Variants in ANXA4 observed in about 807,000 individuals in gnomAD.
ANXA4 encodes annexin A4.
In ANXA4, 39 loss-of-function variants were observed where a neutral mutation model predicts 49.8. That is an observed-to-expected ratio of 0.78 (90% confidence interval 0.61 to 1.02). ANXA4 has a LOEUF of 1.02. Among genes scored for constraint, ANXA4 ranks in the 50% least tolerant of loss-of-function variants. The pLI, the probability that ANXA4 is intolerant of heterozygous loss-of-function variation, is 0.00. For synonymous variants in ANXA4, 134 were observed against 152.5 expected (o/e 0.88, Z 0.89); for missense variants, 360 against 410.1 (o/e 0.88, Z 1.05).
chr2:69,821,643 C>T (rs1674249834), intron 12 of ANXA4, among the ~76,000 whole-genome samples: 1 of 151,856 alleles, frequency 6.6e-6, no homozygotes, highest in Non-Finnish European at 1.5e-5. Flanking sequence ...GTAGAAATGG[C>T]GTTTCACCAT....
intron 2 of ANXA4, among the ~76,000 whole-genome samples, chr2:69,656,483 G>A (rs1349206382): frequency 6.8e-6 from 1 of 146,196 alleles, no homozygotes; most frequent in African/African-American, 2.5e-5. Context: ...ATACAGTATT[G>A]ACCCCAGTTC....
At chr2:69,655,325 T>A (rs139951759) in intron 2 of ANXA4, among the ~76,000 whole-genome samples, 7,125 of 151,820 alleles carry the variant, frequency 0.047, 879 homozygotes, top group East Asian at 0.36. Flanking sequence ...TCAAACAAAT[T>A]TACAAGAAAA....
At chr2:69,792,666 C>T (rs149471216) in intron 3 of ANXA4, among the ~76,000 whole-genome samples, 9 of 152,162 alleles carry the variant, frequency 5.9e-5, no homozygotes, top group African/African-American at 2.2e-4. Context: ...TATTTCTAAG[C>T]AAAATATACA....
At chr2:69,662,148 C>T (rs1676745858) in intron 2 of ANXA4, among the ~76,000 whole-genome samples, 1 of 152,136 alleles carries the variant, frequency 6.6e-6, no homozygotes, top group Admixed American at 6.6e-5. Flanking sequence ...GTCTGGAGAA[C>T]TCACATATTG....
At chr2:69,696,232 G>C (rs755770840) in intron 2 of ANXA4, among the ~76,000 whole-genome samples, 1 of 152,078 alleles carries the variant, frequency 6.6e-6, no homozygotes, top group Non-Finnish European at 1.5e-5. Context: ...ATTCTCAATC[G>C]TTTCTTGTCA....
chr2:69,794,842 T>C (rs950928925), intron 3 of ANXA4, among the ~76,000 whole-genome samples: 1 of 151,882 alleles, frequency 6.6e-6, no homozygotes, highest in African/African-American at 2.4e-5. Context: ...GAGGGGTGAG[T>C]TTTAACTGTT....
rs750688394 is a variant in ANXA4 at position 69,816,103 on chromosome 2, C to A, written c.537C>A (p.Asp179Glu). The change falls in exon 9 of 13, where the codon GAC (aspartate) becomes GAA (glutamate). Residue 179 changes from aspartate (D) to glutamate (E), a missense_variant and splice_region_variant. Coordinates refer to ENST00000394295, the MANE Select transcript of ANXA4 (RefSeq NM_001153.5). ...ACCTGTGCTTTGTTTGGCTTCAGGA[C>A]CTGTATGAGGCTGGAGAGAAGAAAT... Reference protein sequence around the residue: ...DDALVRQDAQDLYEAGEKKWG... With the variant: ...DDALVRQDAQELYEAGEKKWG... 1.2e-6 allele frequency: 2 copies of A among 1,613,506 alleles called. No individual in the cohort carries two copies. The highest frequency in any genetic ancestry group is 1.1e-5 in the South Asian group (1 of 91,044).
At position 69,666,708 on chromosome 2, in the gene ANXA4, A is replaced by G. The variant is rs546096975; in HGVS notation, n.766+13426A>G. 3.2e-4 allele frequency among the ~76,000 whole-genome samples: 49 copies of G among 152,342 alleles called. 1 individual carries two copies. The highest frequency in any genetic ancestry group is 6.8e-3 in the Middle Eastern group (2 of 294). Reference sequence around the variant, plus strand: ...TACAACATGGATGAATCTTTAAAGCATTATGCTAAGTGAAAGAAGCCAGTA... The same window carrying G: ...TACAACATGGATGAATCTTTAAAGCGTTATGCTAAGTGAAAGAAGCCAGTA... On this transcript the variant is annotated intron_variant and non_coding_transcript_variant, in intron 2 of 3. Transcript: ENST00000418066.
At chr2:69,790,358 G>T (rs567470621) in intron 3 of ANXA4, among the ~76,000 whole-genome samples, 1 of 152,076 alleles carries the variant, frequency 6.6e-6, no homozygotes, top group South Asian at 2.1e-4. Context: ...CTCCTCCTGG[G>T]GTTGATTTAA....
At chr2:69,718,423 C>G (rs1377249030) in intron 2 of ANXA4, among the ~76,000 whole-genome samples, 2 of 152,214 alleles carry the variant, frequency 1.3e-5, no homozygotes, top group African/African-American at 4.8e-5. Flanking sequence ...CAGCCAGGAA[C>G]TAAATTATAT....
At chr2:69,757,259 TATA>T (rs1230947255) in intron 1 of ANXA4, among the ~76,000 whole-genome samples, 2 of 41,576 alleles carry the variant, frequency 4.8e-5, no homozygotes, top group African/African-American at 3.7e-4. Context: ...TATATATATA[TATA>T]TATATTTTTT....
In ANXA4 at chr2:69,771,492, T is replaced by A. The variant is rs1080425; in HGVS notation, c.-46-10028T>A. Among the ~76,000 whole-genome samples the A allele has an allele frequency of 3.3e-5, 5 of 152,322 alleles. No individual in the cohort carries two copies. In the South Asian group the frequency reaches 1.0e-3, roughly 32 times the overall value. ...GTTTGCATATCTTTGTTTTGATGGG[T>A]GTTTGCTGATTTTACTAGTCTAATG... On this transcript the variant is annotated intron_variant, in intron 1 of 12. Coordinates refer to ENST00000394295, the MANE Select transcript of ANXA4 (RefSeq NM_001153.5).
intron 2 of ANXA4, among the ~76,000 whole-genome samples, chr2:69,699,951 C>T (rs1031360707): frequency 3.9e-5 from 6 of 152,136 alleles, no homozygotes; most frequent in African/African-American, 9.7e-5. Flanking sequence ...ATTCCAAAGA[C>T]GTCCCAATGC....
intron 2 of ANXA4, among the ~76,000 whole-genome samples, chr2:69,673,672 A>G (rs1177670524): frequency 6.8e-6 from 1 of 148,126 alleles, no homozygotes; most frequent in African/African-American, 2.5e-5. Flanking sequence ...AAAGAAAAGA[A>G]ACATTTTTTT....
chr2:69,706,292 C>CTTTTTTT (rs916740716), intron 2 of ANXA4, among the ~76,000 whole-genome samples: 2 of 59,292 alleles, frequency 3.4e-5, no homozygotes, highest in Admixed American at 2.2e-4. Flanking sequence ...GGTACAATTC[C>CTTTTTTT]TTTTTTTTTT....
rs140868954 is a variant in ANXA4 at position 69,735,833 on chromosome 2, A to C, written n.864+14962A>C. Among the ~76,000 whole-genome samples, 30 of 152,310 alleles carry C rather than the reference A, an allele frequency of 2.0e-4. 1 individual carries two copies. The highest frequency in any genetic ancestry group is 7.2e-4 in the African/African-American group (30 of 41,562). On this transcript the variant is annotated intron_variant and non_coding_transcript_variant, in intron 3 of 3. Transcript: ENST00000418066. Reference sequence around the variant, plus strand: ...GGGCTCAGCTAGTTAGTTCCCACTCAGAATGTGTCAACTGGCTACCATGAG... The same window carrying C: ...GGGCTCAGCTAGTTAGTTCCCACTCCGAATGTGTCAACTGGCTACCATGAG...
intron 2 of ANXA4, among the ~76,000 whole-genome samples, chr2:69,699,921 G>A (rs998130739): frequency 2.6e-5 from 4 of 152,166 alleles, no homozygotes; most frequent in African/African-American, 4.8e-5. Context: ...GAATTTAGTC[G>A]CCCCAGCAGG....
At chr2:69,672,980 A>G (rs1310610934) in intron 2 of ANXA4, among the ~76,000 whole-genome samples, 2 of 152,186 alleles carry the variant, frequency 1.3e-5, no homozygotes, top group East Asian at 1.9e-4. Context: ...ATCTCACACC[A>G]GTTAGAATGG....
Position 69,826,199 on chromosome 2 carries a change from A to G in ANXA4, c.*684A>G, listed in dbSNP as rs1377973876. Reference sequence around the variant, plus strand: ...ATATACATCTGGTTACCAAACATAAATGCTGAACATTCCATATTATTATAG... The same window carrying G: ...ATATACATCTGGTTACCAAACATAAGTGCTGAACATTCCATATTATTATAG... On this transcript the variant is annotated 3_prime_UTR_variant, in exon 13 of 13. Transcript: ENST00000394295. The G allele has an allele frequency of 1.3e-5, 2 of 152,772 alleles. No individual in the cohort carries two copies. The highest frequency in any genetic ancestry group is 2.9e-5 in the Non-Finnish European group (2 of 68,032). 9.5% of individuals were successfully genotyped at this position (152,772 alleles called of 1,614,324 possible).
Sources: gnomAD v4.1 joint callset for allele counts (sites outside exome capture counted in the v4.1 genomes callset) on GRCh38, gnomAD v4.1.1 for gene constraint, MANE v1.5 for transcripts, NCBI Gene and HGNC (gene_info 2026-07-23, HGNC 2026-07-21) for gene names.